PRUNE2: variants seen among roughly 807,000 people sequenced by gnomAD.
PRUNE2 encodes prune homolog 2 with BCH domain, also known as protein prune homolog 2.
Under a neutral mutation model 252.0 loss-of-function variants are expected in PRUNE2, and 164 were observed. The observed-to-expected ratio is 0.65, with a 90% confidence interval of 0.57 to 0.74. The LOEUF (loss-of-function observed/expected upper bound fraction) is 0.74. PRUNE2 is among the 30% of genes least tolerant of loss of function. PRUNE2 has a pLI of 0.00. For synonymous variants in PRUNE2, 1,292 were observed against 1,350.2 expected (o/e 0.96, Z 0.94); for missense variants, 3,495 against 3,711.0 (o/e 0.94, Z 1.51).
Position 76,705,531 on chromosome 9 carries a change from C to T in PRUNE2, c.6743G>A (p.Gly2248Asp). ...THQEPTPEGD[G>D]SWISDSFSPE... ...AGAAAAGCTGTCTGATATCCAAGAACCGTCACCTTCTGGAGTTGGCTCTTG... is the reference window on the plus strand; with the variant it reads ...AGAAAAGCTGTCTGATATCCAAGAATCGTCACCTTCTGGAGTTGGCTCTTG... Residue 2248 changes from glycine (G) to aspartate (D), a missense_variant, in exon 8 of 19, where the codon GGT (glycine) becomes GAT (aspartate). Physicochemically the swap from Gly to Asp is moderately conservative, Grantham distance 94. Transcript: ENST00000376718. 1 of 1,614,044 alleles carries T rather than the reference C, an allele frequency of 6.2e-7. No homozygotes were observed. The highest frequency in any genetic ancestry group is 1.7e-5 in the Admixed American group (1 of 60,030).
At chr9:76,784,234 G>C (rs1249140454) in intron 6 of PRUNE2, 3 of 152,130 alleles carry the variant, frequency 2.0e-5, no homozygotes, top group African/African-American at 7.2e-5. Flanking sequence ...TTAAAGGATG[G>C]GCAGGAAAAC....
chr9:76,722,335 G>A (rs569115306), intron 6 of PRUNE2, among the ~76,000 whole-genome samples: 47 of 151,352 alleles, frequency 3.1e-4, no homozygotes, highest in South Asian at 1.2e-3. Flanking sequence ...CTCCCAAAGT[G>A]CTAGAATTAC....
chr9:76,864,458 A>C (rs959195100), intron 1 of PRUNE2, among the ~76,000 whole-genome samples: 5 of 147,342 alleles, frequency 3.4e-5, no homozygotes, highest in African/African-American at 1.4e-4. Context: ...GAAATACATA[A>C]ATAAATAAAT....
At chr9:76,902,502 A>C (rs575627761) in intron 1 of PRUNE2, among the ~76,000 whole-genome samples, 1 of 152,184 alleles carries the variant, frequency 6.6e-6, no homozygotes, top group African/African-American at 2.4e-5. Flanking sequence ...TCTCACATCA[A>C]GGAAGTGATT....
chr9:76,850,398 T>C, intron 3 of PRUNE2, 65 bp downstream of exon 3: 1 of 1,285,904 alleles, frequency 7.8e-7, no homozygotes, highest in Non-Finnish European at 1.1e-6. Context: ...CTGAGTAAAG[T>C]GACACTTTGC....
chr9:76,792,046 G>A (rs1044193241), intron 6 of PRUNE2, among the ~76,000 whole-genome samples: 2 of 152,136 alleles, frequency 1.3e-5, no homozygotes, highest in Non-Finnish European at 2.9e-5. Flanking sequence ...GCCTTTGTGC[G>A]AGGCCAGGGT....
intron 6 of PRUNE2, among the ~76,000 whole-genome samples, chr9:76,716,536 T>C (rs1449292847): frequency 6.6e-6 from 1 of 152,244 alleles, no homozygotes; most frequent in Non-Finnish European, 1.5e-5. Context: ...GGCAACCTCA[T>C]CATAAAAGTC....
At chr9:76,697,965 G>C (rs994363308) in intron 9 of PRUNE2, among the ~76,000 whole-genome samples, 5 of 152,154 alleles carry the variant, frequency 3.3e-5, no homozygotes, top group African/African-American at 1.2e-4. Flanking sequence ...GAAGTGGGTG[G>C]AGGGCATGAC....
intron 12 of PRUNE2, among the ~76,000 whole-genome samples, chr9:76,640,891 G>A (rs1243957072): frequency 6.6e-6 from 1 of 152,210 alleles, no homozygotes; most frequent in African/African-American, 2.4e-5. Context: ...TCTAAATGTA[G>A]CAATCTGGCT....
At chr9:76,860,172 A>G (rs186385933) in intron 1 of PRUNE2, among the ~76,000 whole-genome samples, 2 of 152,318 alleles carry the variant, frequency 1.3e-5, no homozygotes, top group African/African-American at 4.8e-5. Context: ...CAAAATGCCA[A>G]ATCTGAAACA....
intron 4 of PRUNE2, among the ~76,000 whole-genome samples, chr9:76,845,990 A>T (rs1387564946): frequency 1.3e-5 from 2 of 152,220 alleles, no homozygotes; most frequent in Non-Finnish European, 2.9e-5. Context: ...GGCTTGAAAC[A>T]GTTTGAGTGA....
Position 76,631,123 on chromosome 9 carries a change from C to G in PRUNE2, c.9051-1833G>C, listed in dbSNP as rs73650264. On this transcript the variant is annotated intron_variant, in intron 15 of 18. Transcript: ENST00000376718. ...GTAGCTTCTGTCCCTCCTGATAAGT[C>G]TTGGGTCAACACACACTACCAGTGA... 4.2e-3 allele frequency among the ~76,000 whole-genome samples: 646 copies of G among 152,328 alleles called. 4 individuals carry two copies. Among genetic ancestry groups the G allele is most frequent in the African/African-American group, 0.014 (576 of 41,578 alleles).
At chr9:76,801,047 A>G (rs1035965614) in intron 6 of PRUNE2, among the ~76,000 whole-genome samples, 1 of 152,198 alleles carries the variant, frequency 6.6e-6, no homozygotes, top group Non-Finnish European at 1.5e-5. Context: ...TTACACACAC[A>G]TGCTCACCAA....
chr9:76,619,885 C>T (rs1448229065), intron 17 of PRUNE2, among the ~76,000 whole-genome samples: 1 of 152,214 alleles, frequency 6.6e-6, no homozygotes, highest in Non-Finnish European at 1.5e-5. Flanking sequence ...AGGACACTTA[C>T]CACTCCATAC....
At chr9:76,696,591 A>G (rs1248914455) in intron 9 of PRUNE2, among the ~76,000 whole-genome samples, 1 of 152,052 alleles carries the variant, frequency 6.6e-6, no homozygotes, top group Admixed American at 6.6e-5. Flanking sequence ...ACACCCAGCT[A>G]ATTTTTGTAT....
intron 9 of PRUNE2, among the ~76,000 whole-genome samples, chr9:76,676,114 A>C (rs1016027455): frequency 2.6e-5 from 4 of 151,664 alleles, no homozygotes; most frequent in African/African-American, 9.7e-5. Flanking sequence ...ATTTTTAATA[A>C]ATTAAAATTA....
rs549412688 is a variant in PRUNE2 at position 76,846,522 on chromosome 9, G to A, written c.501C>T (p.Arg167=). The change falls in exon 4 of 19, where the codon CGC becomes CGT. Residue 167 remains arginine, a synonymous_variant. Coordinates refer to ENST00000376718, the MANE Select transcript of PRUNE2 (RefSeq NM_015225.3). ...PELITEQLAH[R]LRGSILFKWM... ...GGAAGAGCCATCTCTCACCTCTGAG[G>A]CGATGAGCCAGTTGCTCGGTGATGA... is the stretch of plus-strand genomic sequence containing the variant. 3 of 1,613,260 alleles carry A rather than the reference G, an allele frequency of 1.9e-6. No homozygotes were observed. Among genetic ancestry groups the A allele is most frequent in the Non-Finnish European group, 1.7e-6 (2 of 1,179,462 alleles).
chr9:76,758,972 T>C (rs1368670834), intron 6 of PRUNE2: 1 of 152,150 alleles, frequency 6.6e-6, no homozygotes, highest in Non-Finnish European at 1.5e-5. Context: ...GATCAGAAGG[T>C]GGCAAATAGG....
At chr9:76,620,421 G>A (rs1018484847) in intron 17 of PRUNE2, among the ~76,000 whole-genome samples, 1 of 152,120 alleles carries the variant, frequency 6.6e-6, no homozygotes, top group Non-Finnish European at 1.5e-5. Context: ...GATTACAGGC[G>A]TGAGCCACTG....
Sources: gnomAD v4.1 joint callset for allele counts (sites outside exome capture counted in the v4.1 genomes callset) on GRCh38, gnomAD v4.1.1 for gene constraint, MANE v1.5 for transcripts, NCBI Gene and HGNC (gene_info 2026-07-23, HGNC 2026-07-21) for gene names.